The following MAPK8IP3 variants were observed in gnomAD, a reference collection of about 807,000 sequenced individuals.
MAPK8IP3 encodes the protein C-Jun-amino-terminal kinase-interacting protein 3.
A neutral mutation model predicts 157.8 loss-of-function variants in MAPK8IP3; 49 were observed. The ratio of observed to expected loss-of-function variants is 0.31; its 90% CI spans 0.25 to 0.39. MAPK8IP3 has a LOEUF of 0.39. MAPK8IP3 is among the 10% of genes least tolerant of loss of function. MAPK8IP3 has a pLI of 1.00. For synonymous variants in MAPK8IP3, 897 were observed against 777.7 expected, an observed-to-expected ratio of 1.15 and a Z score of -2.55; for missense variants, 1,478 against 1,889.4, an observed-to-expected ratio of 0.78 and a Z score of 4.04.
chr16:1,764,158 T>A lies in MAPK8IP3; in HGVS notation c.2069T>A (p.Val690Glu). 1 of 1,611,688 alleles carries A rather than the reference T, an allele frequency of 6.2e-7. No homozygotes were observed. The highest frequency in any genetic ancestry group is 8.5e-7 in the Non-Finnish European group (1 of 1,179,550). ...CAGGAGGACACGCGGATGAAGAACG[T>A]GCCGGTGCCGGTGTACTGCCGCCCT... ...GGQEDTRMKN[V>E]PVPVYCRPLV... Residue 690 changes from valine (V) to glutamate (E), a missense_variant, in exon 18 of 32, where the codon GTG (valine) becomes GAG (glutamate). Val to Glu is a moderately radical substitution (Grantham distance 121, BLOSUM62 -2). Coordinates refer to ENST00000610761, the MANE Select transcript of MAPK8IP3 (RefSeq NM_001318852.2).
At chr16:1,766,672 G>A (rs762897303) in intron 23 of MAPK8IP3, 24 bp downstream of exon 23, 1 of 1,612,486 alleles carries the variant, frequency 6.2e-7, no homozygotes, top group East Asian at 2.2e-5. Flanking sequence ...GGGGCAAGGT[G>A]GAGGGAGGGT....
rs746934764 is a variant in MAPK8IP3 at position 1,761,315 on chromosome 16, C to CTCT, written c.1539+13_1539+15dup. On this transcript the variant is annotated intron_variant, in intron 13 of 31. Transcript: ENST00000610761. ...TCTCTGTACAGAATCGGTACATCCACTCTTCACTCTTCACATGCGGGGCGT... is the reference window on the plus strand; with the variant it reads ...TCTCTGTACAGAATCGGTACATCCACTCTTCTTCACTCTTCACATGCGGGGCGT... The CTCT allele has an allele frequency of 2.5e-6, 4 of 1,609,848 alleles. No individual in the cohort carries two copies. Among genetic ancestry groups the CTCT allele is most frequent in the Non-Finnish European group, 2.5e-6 (3 of 1,177,416 alleles).
chr16:1,706,654 G>A lies in MAPK8IP3; in HGVS notation c.315G>A (p.Glu105=). 6.5e-7 allele frequency: 1 copy of A among 1,540,948 alleles called. No homozygotes were observed. Among genetic ancestry groups the A allele is most frequent in the Non-Finnish European group, 8.7e-7 (1 of 1,143,932 alleles). The change falls in exon 1 of 32, where the codon GAG becomes GAA. Residue 105 remains glutamate, a synonymous_variant. Coordinates refer to ENST00000610761, the MANE Select transcript of MAPK8IP3 (RefSeq NM_001318852.2). The surrounding 1 kb of genome is among the most constrained non-coding windows in gnomAD (Gnocchi z 5.1). The part of the protein sequence containing the change: ...EREKALRRQA[E]EKFIEFEDAL... Reference sequence around the variant, plus strand: ...AGAAGGCGCTGCGCAGGCAGGCGGAGGAGGTGCGTGGGCCGCGGGACCCGC... The same window carrying A: ...AGAAGGCGCTGCGCAGGCAGGCGGAAGAGGTGCGTGGGCCGCGGGACCCGC...
At chr16:1,760,215 G>C (rs1470633888) in intron 11 of MAPK8IP3, 165 bp from the exon 12 acceptor site, 1 of 981,882 alleles carries the variant, frequency 1.0e-6, no homozygotes, top group Non-Finnish European at 1.5e-6. Context: ...CTCTAACAAG[G>C]GTGCTATAGG....
rs1428576664 is a variant in MAPK8IP3 at position 1,769,552 on chromosome 16, G to A, written c.*728G>A. The A allele has an allele frequency of 6.6e-6, 1 of 152,520 alleles. No homozygotes were observed. The highest frequency in any genetic ancestry group is 1.5e-5 in the Non-Finnish European group (1 of 68,134). 9.4% of individuals were successfully genotyped at this position (152,520 alleles called of 1,614,324 possible). ...CCCCGTTCTGACCCGTGTCCCCCCA[G>A]GCTCTGCCTGGGCAGAAGACTCACC... On this transcript the variant is annotated 3_prime_UTR_variant, in exon 32 of 32. Transcript: ENST00000610761.
At chr16:1,727,294 G>GCAGA (rs1361965715) in intron 2 of MAPK8IP3, among the ~76,000 whole-genome samples, 1 of 145,460 alleles carries the variant, frequency 6.9e-6, no homozygotes, top group African/African-American at 2.6e-5. Flanking sequence ...GCTGTGTGCA[G>GCAGA]CGTCTGTGTG....
chr16:1,746,929 T>C (rs1361468636), intron 5 of MAPK8IP3, 100 bp from the exon 6 acceptor site: 3 of 1,416,428 alleles, frequency 2.1e-6, no homozygotes, highest in Non-Finnish European at 2.8e-6. Context: ...CGAGGCAAAG[T>C]GCAAAGCATT....
chr16:1,738,288 C>T (rs1279420434), intron 4 of MAPK8IP3, among the ~76,000 whole-genome samples: 1 of 75,428 alleles, frequency 1.3e-5, no homozygotes, highest in East Asian at 5.0e-4. Context: ...GTGTGACCAT[C>T]CATGTGAGCA....
At chr16:1,709,381 C>T (rs115286544) in intron 1 of MAPK8IP3, among the ~76,000 whole-genome samples, 1 of 152,226 alleles carries the variant, frequency 6.6e-6, no homozygotes, top group African/African-American at 2.4e-5. Flanking sequence ...CTCTTCCCCT[C>T]GCTGGGCTGC....
chr16:1,744,970 A>G, intron 5 of MAPK8IP3: 3 of 983,474 alleles, frequency 3.1e-6, no homozygotes, highest in Non-Finnish European at 3.6e-6. Flanking sequence ...TATGTACTGT[A>G]TTTTCAGTGT....
In MAPK8IP3 at chr16:1,739,749, C is replaced by T. The variant is rs532389533; in HGVS notation, c.603-3583C>T. On this transcript the variant is annotated intron_variant, in intron 4 of 31. Transcript: ENST00000610761. ...GTGTGACCGTGTGTGTGTGACCGTC[C>T]GTGTGTGACCGTCCATGTGAGCGTG... Among the ~76,000 whole-genome samples the T allele has an allele frequency of 1.0e-4, 9 of 87,362 alleles. No individual in the cohort carries two copies. In the East Asian group the frequency reaches 3.0e-3, roughly 30 times the overall value. 57.3% of individuals were successfully genotyped at this position (87,362 alleles called of 152,430 possible). A position where few individuals can be genotyped will look rare whatever the true frequency, so the allele number is the denominator to read the frequency against.
intron 3 of MAPK8IP3, 51 bp downstream of exon 3, chr16:1,729,259 G>T: frequency 6.3e-7 from 1 of 1,581,082 alleles, no homozygotes; most frequent in Non-Finnish European, 8.7e-7. Context: ...CAGGGCCGCG[G>T]CCTGACGCCT....
At chr16:1,736,696 G>A (rs530027447) in intron 4 of MAPK8IP3, among the ~76,000 whole-genome samples, 7 of 77,488 alleles carry the variant, frequency 9.0e-5, no homozygotes, top group Admixed American at 1.8e-4. Flanking sequence ...GTGACCGACC[G>A]TGTGAGCGTC....
At chr16:1,763,139 C>T (rs372798318) in intron 16 of MAPK8IP3, 133 bp downstream of exon 16, 71 of 1,172,806 alleles carry the variant, frequency 6.1e-5, no homozygotes, top group African/African-American at 3.5e-4. Flanking sequence ...TGCCAGGGGC[C>T]GTGACCTCTC....
chr16:1,729,589 C>T lies in MAPK8IP3; in HGVS notation c.602+11C>T, dbSNP rs753375802. 10 of 1,582,468 alleles carry T rather than the reference C, an allele frequency of 6.3e-6. No homozygotes were observed. In the African/African-American group the frequency reaches 6.7e-5, roughly 11 times the overall value. On this transcript the variant is annotated intron_variant, in intron 4 of 31. Transcript: ENST00000610761. ...CCTGCCGGGGCGGAGGTACGCGGGGCGCGGCGGGGTGGAGGTACGCGGGGC... is the reference window on the plus strand; with the variant it reads ...CCTGCCGGGGCGGAGGTACGCGGGGTGCGGCGGGGTGGAGGTACGCGGGGC...
intron 1 of MAPK8IP3, among the ~76,000 whole-genome samples, chr16:1,712,265 G>A (rs2037839771): frequency 6.6e-6 from 1 of 151,808 alleles, no homozygotes; most frequent in Non-Finnish European, 1.5e-5. Flanking sequence ...GTTTCACCGT[G>A]TTAGCCAGGA....
Position 1,766,943 on chromosome 16 carries a change from G to C in MAPK8IP3, c.3060G>C (p.Gly1020=). 1 of 1,593,874 alleles carries C rather than the reference G, an allele frequency of 6.3e-7. No individual in the cohort carries two copies. The highest frequency in any genetic ancestry group is 8.6e-7 in the Non-Finnish European group (1 of 1,167,944). ...GTGTGCTGGTGGCTCTGGCGGACGG[G>C]ACCCTGGCCATCTTCCACCGTGGTG... ...KGRVLVALAD[G]TLAIFHRGED... Residue 1020 remains glycine, a synonymous_variant, in exon 25 of 32, where the codon GGG becomes GGC. Transcript: ENST00000610761.
chr16:1,748,527 G>A, intron 7 of MAPK8IP3, 75 bp from the exon 8 acceptor site: 1 of 1,304,756 alleles, frequency 7.7e-7, no homozygotes, highest in South Asian at 1.2e-5. Flanking sequence ...GGAGGTGTTG[G>A]AAGAGTCTGC....
At position 1,741,007 on chromosome 16, in the gene MAPK8IP3, C is replaced by T. The variant is rs572980711; in HGVS notation, c.603-2325C>T. On this transcript the variant is annotated intron_variant, in intron 4 of 31. Coordinates refer to ENST00000610761, the MANE Select transcript of MAPK8IP3 (RefSeq NM_001318852.2). The surrounding 1 kb of genome is among the most constrained non-coding windows in gnomAD (Gnocchi z 6.9). ...TTGGTCACAGACGAAGGCACGGCGC[C>T]GACTCCTGCTAAGGAGGGGTGTGCA... Among the ~76,000 whole-genome samples, 152 of 152,236 alleles carry T rather than the reference C, an allele frequency of 1.0e-3. No homozygotes were observed. Among genetic ancestry groups the T allele is most frequent in the African/African-American group, 3.4e-3 (142 of 41,536 alleles).
Sources: gnomAD v4.1 joint callset for allele counts (sites outside exome capture counted in the v4.1 genomes callset) on GRCh38, gnomAD v4.1.1 for gene constraint, Gnocchi (gnomAD v3.1) non-coding constraint, MANE v1.5 for transcripts, NCBI Gene and HGNC (gene_info 2026-07-23, HGNC 2026-07-21) for gene names.